Variants in EPHB6 observed in about 807,000 individuals in gnomAD.
The protein encoded by EPHB6 is EPH receptor B6, also known as ephrin type-B receptor 6.
A neutral mutation model predicts 107.0 loss-of-function variants in EPHB6; 51 were observed. The observed-to-expected ratio is 0.48, with a 90% CI of 0.38 to 0.60. The LOEUF (loss-of-function observed/expected upper bound fraction) is 0.60, where lower values mean the gene tolerates loss of function less well. EPHB6 is among the 20% of genes least tolerant of loss of function. EPHB6 has a pLI of 0.00. For missense variants in EPHB6, 1,141 were observed against 1,355.5 expected, an observed-to-expected ratio of 0.84 and a Z score of 2.48; for synonymous variants, 553 against 549.0, an observed-to-expected ratio of 1.01 and a Z score of -0.10.
intron 8 of EPHB6, 89 bp from the exon 9 acceptor site, chr7:142,865,871 C>A: frequency 1.4e-6 from 2 of 1,421,554 alleles, no homozygotes; most frequent in Non-Finnish European, 2.0e-6. Context: ...CCCTCTCGGC[C>A]ACCCACCCTC....
rs1402307465 is a variant in EPHB6 at position 142,869,163 on chromosome 7, TG to T, written c.2460+20del. On this transcript the variant is annotated intron_variant, in intron 16 of 19. Transcript: ENST00000652003. This position sits in a 1 kb window ranked among gnomAD's most constrained non-coding sequence, Gnocchi z 4.5. ...CAGTCCTCAGGTGAGAGCACAGCCTTGGGGACACAGCCTGGGGCCTTGTGGC... is the reference window on the plus strand; with the variant it reads ...CAGTCCTCAGGTGAGAGCACAGCCTTGGGACACAGCCTGGGGCCTTGTGGC... 6.2e-7 allele frequency: 1 copy of T among 1,609,440 alleles called. No homozygotes were observed.
At position 142,855,628 on chromosome 7, in the gene EPHB6, T is replaced by C. The variant is rs1049301429; in HGVS notation, c.-432+243T>C. Among the ~76,000 whole-genome samples the C allele has an allele frequency of 3.3e-5, 5 of 152,150 alleles. No homozygotes were observed. The highest frequency in any genetic ancestry group is 7.4e-5 in the Non-Finnish European group (5 of 68,006). ...ATCATTGACACCGCATTACCCTTGC[T>C]GTTAGGATCCCCCAGTTGCGTTCCC... On this transcript the variant is annotated intron_variant, in intron 1 of 19. Coordinates refer to ENST00000652003, the MANE Select transcript of EPHB6 (RefSeq NM_004445.6). The surrounding 1 kb of genome is among the most constrained non-coding windows in gnomAD (Gnocchi z 4.2).
rs1022102165 is a variant in EPHB6, at chr7:142,867,018, C to T, written c.1700C>T (p.Ala567Val). 18 of 1,613,888 alleles carry T rather than the reference C, an allele frequency of 1.1e-5. No homozygotes were observed. The highest frequency in any genetic ancestry group is 1.7e-5 in the Admixed American group (1 of 59,998). ...TTCCAGGTGCGGGCCCGGACTGCTGCCGGCCACGGCCCCTACGGGGGCAAA... is the reference window on the plus strand; with the variant it reads ...TTCCAGGTGCGGGCCCGGACTGCTGTCGGCCACGGCCCCTACGGGGGCAAA... ...YGFQVRARTA[A>V]GHGPYGGKVY... Residue 567 changes from alanine to valine, a missense_variant, in exon 11 of 20, where the codon GCC (alanine) becomes GTC (valine). Ala to Val is a moderately conservative substitution (Grantham distance 64). Around this residue, in one of 3 missense-constraint regions of EPHB6, gnomAD observed 616 missense variants for 759.3 expected, o/e 0.81. Transcript: ENST00000652003. This position sits in a 1 kb window ranked among gnomAD's most constrained non-coding sequence, Gnocchi z 5.3.
chr7:142,859,050 T>C (rs1466955951), intron 1 of EPHB6, among the ~76,000 whole-genome samples: 1 of 152,270 alleles, frequency 6.6e-6, no homozygotes, highest in East Asian at 1.9e-4. Context: ...TTTATATTTT[T>C]AAAACCTTAT....
At chr7:142,859,983 A>G (rs8177171) in intron 1 of EPHB6, among the ~76,000 whole-genome samples, 2,656 of 152,296 alleles carry the variant, frequency 0.017, 38 homozygotes, top group Middle Eastern at 0.051. Flanking sequence ...CCCTATTGCA[A>G]CCACAAGTGA....
At chr7:142,859,720 G>C (rs1279617660) in intron 1 of EPHB6, among the ~76,000 whole-genome samples, 1 of 152,080 alleles carries the variant, frequency 6.6e-6, no homozygotes, top group East Asian at 1.9e-4. Flanking sequence ...ATCCTTCTGG[G>C]TACTTTAAGA....
At position 142,869,963 on chromosome 7, in the gene EPHB6, G is replaced by A; in HGVS notation, c.2607G>A (p.Gln869=). 6.2e-7 allele frequency: 1 copy of A among 1,614,164 alleles called. No individual in the cohort carries two copies. The highest frequency in any genetic ancestry group is 8.5e-7 in the Non-Finnish European group (1 of 1,180,022). ...GGCCTTACTGGGACATGAGTGAGCAGGAGGTGAGCACTGACCTAGACACTG... is the reference window on the plus strand; with the variant it reads ...GGCCTTACTGGGACATGAGTGAGCAAGAGGTGAGCACTGACCTAGACACTG... The part of the protein sequence containing the change: ...GERPYWDMSE[Q]EVLNAIEQEF... Residue 869 remains glutamine, a synonymous_variant, in exon 17 of 20, where the codon CAG becomes CAA. Coordinates refer to ENST00000652003, the MANE Select transcript of EPHB6 (RefSeq NM_004445.6). This position sits in a 1 kb window ranked among gnomAD's most constrained non-coding sequence, Gnocchi z 4.5.
At chr7:142,865,446 G>A (rs1563341199) in intron 7 of EPHB6, 29 bp from the exon 8 acceptor site, 1 of 1,612,110 alleles carries the variant, frequency 6.2e-7, no homozygotes, top group South Asian at 1.1e-5. Flanking sequence ...GAGCGAGTGT[G>A]ACGCCCCCAC....
chr7:142,864,061 C>A lies in EPHB6; in HGVS notation c.261C>A (p.Asp87Glu). 1 of 1,614,138 alleles carries A rather than the reference C, an allele frequency of 6.2e-7. No homozygotes were observed. The highest frequency in any genetic ancestry group is 8.5e-7 in the Non-Finnish European group (1 of 1,180,038). ...GGGCCCCTCCAGGCACCGGGCAGGA[C>A]AATTGGTTGCAGACACACTTTGTGG... ...VAGAPPGTGQDNWLQTHFVER... is the reference protein window; with the variant it reads ...VAGAPPGTGQENWLQTHFVER... The change falls in exon 7 of 20, where the codon GAC (aspartate) becomes GAA (glutamate). Residue 87 changes from aspartate to glutamate, a missense_variant. By Grantham distance (45) the Asp-to-Glu change is conservative (BLOSUM62 2). Transcript: ENST00000652003.
intron 5 of EPHB6, 76 bp from the exon 6 acceptor site, chr7:142,863,555 G>T (rs56129555): frequency 1.3e-6 from 2 of 1,544,396 alleles, no homozygotes; most frequent in Admixed American, 1.7e-5. Context: ...TCTTTTGTTC[G>T]CGGTGGGAAT....
intron 1 of EPHB6, among the ~76,000 whole-genome samples, chr7:142,860,435 G>C (rs1198960116): frequency 6.6e-6 from 1 of 152,198 alleles, no homozygotes; most frequent in East Asian, 1.9e-4. Flanking sequence ...AGTTTGGAGG[G>C]GATGCACTTA....
In EPHB6 at chr7:142,865,468, T is replaced by A; in HGVS notation, c.950-7T>A. On this transcript the variant is annotated splice_region_variant and splice_polypyrimidine_tract_variant and intron_variant, in intron 7 of 19. Transcript: ENST00000652003. ...TGTGACGCCCCCACTCTCCTCTGCC[T>A]CCTCAGCCTGCCCACGGGGGCTCTA... The A allele has an allele frequency of 1.9e-6, 3 of 1,613,054 alleles. No homozygotes were observed. Among genetic ancestry groups the A allele is most frequent in the Non-Finnish European group, 2.5e-6 (3 of 1,179,974 alleles).
chr7:142,858,853 G>C (rs1802725113), intron 1 of EPHB6, among the ~76,000 whole-genome samples: 1 of 152,098 alleles, frequency 6.6e-6, no homozygotes, highest in South Asian at 2.1e-4. Context: ...GTAAACCAAA[G>C]AGATGTAGCA....
At chr7:142,870,068 C>T in intron 17 of EPHB6, 102 bp downstream of exon 17, 1 of 1,594,916 alleles carries the variant, frequency 6.3e-7, no homozygotes, top group South Asian at 1.1e-5. Context: ...TCTAAGATCT[C>T]ATGGCTGTTG....
Position 142,864,691 on chromosome 7 carries a change from C to T in EPHB6, c.891C>T (p.Val297=), listed in dbSNP as rs747391605. ...GGGAGGGCAAGTGGATGGTAGCTGTCGGGGGCTGCCGCTGCCAGCCTGGAT... is the reference window on the plus strand; with the variant it reads ...GGGAGGGCAAGTGGATGGTAGCTGTTGGGGGCTGCCGCTGCCAGCCTGGAT... ...CNGEGKWMVA[V]GGCRCQPGYQ... The change falls in exon 7 of 20, where the codon GTC becomes GTT. Residue 297 remains valine, a synonymous_variant. Transcript: ENST00000652003. The T allele has an allele frequency of 4.3e-5, 70 of 1,612,526 alleles. No homozygotes were observed. The Admixed American group carries it at 9.7e-4, about 22-fold the overall frequency.
At chr7:142,863,811 C>T in intron 6 of EPHB6, 116 bp downstream of exon 6, 2 of 1,473,932 alleles carry the variant, frequency 1.4e-6, no homozygotes, top group South Asian at 2.3e-5. Context: ...AGGATCCCTC[C>T]CTCTAGAGCA....
intron 1 of EPHB6, among the ~76,000 whole-genome samples, chr7:142,859,099 G>A (rs1488894910): frequency 6.6e-6 from 1 of 151,922 alleles, no homozygotes; most frequent in Non-Finnish European, 1.5e-5. Context: ...AAGGAGATAA[G>A]TTCTTTTGCA....
At chr7:142,860,820 C>T (rs996833933) in intron 1 of EPHB6, among the ~76,000 whole-genome samples, 4 of 151,974 alleles carry the variant, frequency 2.6e-5, no homozygotes, top group Non-Finnish European at 2.9e-5. Flanking sequence ...CAGCACAGCC[C>T]GCAGTGCCAG....
intron 2 of EPHB6, 76 bp downstream of exon 2, chr7:142,861,262 G>C (rs935300902): frequency 6.6e-6 from 1 of 152,172 alleles, no homozygotes; most frequent in Non-Finnish European, 1.5e-5. Flanking sequence ...TTTTATATAA[G>C]AGGTAGCTTA....
Sources: allele counts gnomAD v4.1 joint callset (sites outside exome capture counted in the v4.1 genomes callset), GRCh38; gene constraint gnomAD v4.1.1; regional missense constraint gnomAD v4.1.1; non-coding constraint Gnocchi (gnomAD v3.1); transcripts MANE v1.5; gene names NCBI Gene and HGNC (gene_info 2026-07-23, HGNC 2026-07-21).